The following ABLIM3 variants were observed in gnomAD, a reference collection of about 807,000 sequenced individuals.
ABLIM3 encodes the protein actin binding LIM protein family member 3.
In ABLIM3, 61 loss-of-function variants were observed where a neutral mutation model predicts 109.5. The ratio of observed to expected loss-of-function variants is 0.56; its 90% CI spans 0.45 to 0.69. ABLIM3 has a LOEUF of 0.69. ABLIM3 is among the 30% of genes least tolerant of loss of function. The pLI, the probability that ABLIM3 is intolerant of heterozygous loss-of-function variation, is 0.00. For missense variants in ABLIM3, 796 were observed against 889.5 expected, an observed-to-expected ratio of 0.89 and a Z score of 1.34; for synonymous variants, 300 against 324.8, an observed-to-expected ratio of 0.92 and a Z score of 0.82.
chr5:149,212,370 G>A (rs546561298), intron 7 of ABLIM3, among the ~76,000 whole-genome samples: 2 of 152,300 alleles, frequency 1.3e-5, no homozygotes, highest in Non-Finnish European at 2.9e-5. Flanking sequence ...GGTGGAGTTT[G>A]CATGTGACTC....
rs1234084033 is a variant in ABLIM3 at position 149,198,281 on chromosome 5, C to T, written c.214C>T (p.Gln72Ter). ...FFKNQEYICTQDYQQLYGTRC... is the reference protein window; with the variant it reads ...FFKNQEYICT ...CAAGAACCAGGAGTACATCTGCACCCAGGACTACCAGCAACTCTATGGCAC... is the reference window on the plus strand; with the variant it reads ...CAAGAACCAGGAGTACATCTGCACCTAGGACTACCAGCAACTCTATGGCAC... Residue 72 changes from glutamine to a stop codon, truncating the protein, a stop_gained, in exon 4 of 24, where the codon CAG becomes TAG. Coordinates refer to ENST00000309868, the MANE Select transcript of ABLIM3 (RefSeq NM_014945.5). LOFTEE classifies it high-confidence loss of function. The surrounding 1 kb of genome is among the most constrained non-coding windows in gnomAD (Gnocchi z 4.2). The T allele has an allele frequency of 6.2e-7, 1 of 1,614,234 alleles. No homozygotes were observed. The highest frequency in any genetic ancestry group is 8.5e-7 in the Non-Finnish European group (1 of 1,180,026).
At chr5:149,236,717 C>T (rs781006511) in intron 10 of ABLIM3, among the ~76,000 whole-genome samples, 58 of 152,066 alleles carry the variant, frequency 3.8e-4, no homozygotes, top group Non-Finnish European at 7.2e-4. Flanking sequence ...CTCCCCATCC[C>T]GAGAAGACAG....
intron 2 of ABLIM3, among the ~76,000 whole-genome samples, chr5:149,164,608 G>A (rs1473905314): frequency 6.6e-6 from 1 of 152,154 alleles, no homozygotes; most frequent in African/African-American, 2.4e-5. Flanking sequence ...GACATCCAAG[G>A]ATTCTGATGC....
rs182925352 is a variant in ABLIM3, at chr5:149,204,316, A to G, written c.449-2692A>G. Reference sequence around the variant, plus strand: ...TGGACAGCTGGCTCTGCAGACACCAACTTGGAACAGGGTGTGGTTTTCCTG... The same window carrying G: ...TGGACAGCTGGCTCTGCAGACACCAGCTTGGAACAGGGTGTGGTTTTCCTG... On this transcript the variant is annotated intron_variant, in intron 5 of 23. Coordinates refer to ENST00000309868, the MANE Select transcript of ABLIM3 (RefSeq NM_014945.5). Among the ~76,000 whole-genome samples the G allele has an allele frequency of 5.3e-3, 812 of 152,300 alleles. 5 individuals carry two copies. The highest frequency in any genetic ancestry group is 5.6e-3 in the Admixed American group (86 of 15,278).
chr5:149,239,232 ACT>A lies in ABLIM3; in HGVS notation c.1045-13_1045-12del. On this transcript the variant is annotated splice_polypyrimidine_tract_variant and intron_variant, in intron 11 of 23. Transcript: ENST00000309868. ...CTGCTCGTTCCACAACTGCCTTCAA[ACT>A]CTTCACTTCTAAGTCGCTGGGAACA... The A allele has an allele frequency of 6.2e-7, 1 of 1,613,354 alleles. No homozygotes were observed.
intron 16 of ABLIM3, among the ~76,000 whole-genome samples, chr5:149,245,227 C>T (rs985098086): frequency 1.3e-5 from 2 of 152,198 alleles, no homozygotes; most frequent in African/African-American, 4.8e-5. Flanking sequence ...AGACCAGGTC[C>T]CTGCCCTTGT....
chr5:149,209,554 C>T (rs529420420), intron 6 of ABLIM3, among the ~76,000 whole-genome samples: 31 of 152,266 alleles, frequency 2.0e-4, no homozygotes, highest in Non-Finnish European at 4.0e-4. Flanking sequence ...AATTGTGTAC[C>T]GCTAATTCCC....
intron 5 of ABLIM3, among the ~76,000 whole-genome samples, chr5:149,206,559 C>A (rs1758995954): frequency 6.6e-6 from 1 of 152,168 alleles, no homozygotes; most frequent in East Asian, 1.9e-4. Context: ...TAGCCCATCC[C>A]CAGGAGCAGT....
At chr5:149,240,242 C>A (rs776477932) in intron 13 of ABLIM3, among the ~76,000 whole-genome samples, 5 of 152,208 alleles carry the variant, frequency 3.3e-5, no homozygotes, top group Admixed American at 6.5e-5. Context: ...TATGAACTGG[C>A]CTTCACCCAA....
chr5:149,237,531 C>T lies in ABLIM3; in HGVS notation c.972C>T (p.Pro324=), dbSNP rs1208197967. Residue 324 remains proline (P), a synonymous_variant, in exon 11 of 24, where the codon CCC becomes CCT. Transcript: ENST00000309868. The stretch of plus-strand genomic sequence containing the variant: ...AGTCTATCTACGAGGTACAACGCCC[C>T]GACCTCATTTCCTATGAGCCTCATT... ...KVKSIYEVQR[P]DLISYEPHSR... The T allele has an allele frequency of 6.8e-6, 11 of 1,614,084 alleles. No individual in the cohort carries two copies. The highest frequency in any genetic ancestry group is 2.2e-5 in the East Asian group (1 of 44,894).
chr5:149,150,393 T>G (rs1753320107), intron 2 of ABLIM3, among the ~76,000 whole-genome samples: 1 of 152,216 alleles, frequency 6.6e-6, no homozygotes, highest in African/African-American at 2.4e-5. Context: ...ATAGAGATTG[T>G]TTTAAAACAG....
intron 7 of ABLIM3, among the ~76,000 whole-genome samples, chr5:149,212,821 G>A (rs1198177266): frequency 6.6e-6 from 1 of 152,136 alleles, no homozygotes; most frequent in Non-Finnish European, 1.5e-5. Flanking sequence ...TTTCCAGAAG[G>A]CAGTCAGAAA....
At chr5:149,227,557 G>T (rs1230958042) in intron 8 of ABLIM3, among the ~76,000 whole-genome samples, 1 of 152,156 alleles carries the variant, frequency 6.6e-6, no homozygotes, top group Non-Finnish European at 1.5e-5. Flanking sequence ...CTCAAATTAT[G>T]AGTCATAAAA....
At chr5:149,166,936 G>A (rs1754894191) in intron 2 of ABLIM3, among the ~76,000 whole-genome samples, 1 of 152,174 alleles carries the variant, frequency 6.6e-6, no homozygotes, top group Admixed American at 6.5e-5. Context: ...GCCATAGTTT[G>A]CTTATTCTTG....
chr5:149,160,743 T>C (rs1167220895), intron 2 of ABLIM3, among the ~76,000 whole-genome samples: 1 of 152,204 alleles, frequency 6.6e-6, no homozygotes, highest in Non-Finnish European at 1.5e-5. Context: ...AGACACTTTC[T>C]AGTTATGGCT....
intron 8 of ABLIM3, among the ~76,000 whole-genome samples, chr5:149,225,231 A>ACCTCTATCTAGTTCT: frequency 6.6e-6 from 1 of 152,116 alleles, no homozygotes; most frequent in South Asian, 2.1e-4. Flanking sequence ...AATGTTGTAC[A>ACCTCTATCTAGTTCT]ACCCCCACCT....
At chr5:149,192,434 G>A (rs1423692047) in intron 3 of ABLIM3, among the ~76,000 whole-genome samples, 1 of 151,972 alleles carries the variant, frequency 6.6e-6, no homozygotes, top group Non-Finnish European at 1.5e-5. Flanking sequence ...AAACTGTACA[G>A]TACTTAACTG....
intron 17 of ABLIM3, 41 bp downstream of exon 17, chr5:149,246,587 T>A (rs1236741525): frequency 1.9e-6 from 3 of 1,594,380 alleles, no homozygotes; most frequent in Non-Finnish European, 2.6e-6. Flanking sequence ...GCTTAGAGCG[T>A]ATATCACTGA....
In ABLIM3 at chr5:149,217,050, A is replaced by T; in HGVS notation, c.757+4A>T. On this transcript the variant is annotated splice_donor_region_variant and intron_variant, in intron 8 of 23. Transcript: ENST00000309868. ...GGAGAGGAAATGTACCTCACAGGTA[A>T]GTAAATCTGACCCTCTGTAAGGCCT... The T allele has an allele frequency of 6.2e-7, 1 of 1,613,920 alleles. No individual in the cohort carries two copies. The highest frequency in any genetic ancestry group is 8.5e-7 in the Non-Finnish European group (1 of 1,179,818).
Sources: gnomAD v4.1 joint callset for allele counts (sites outside exome capture counted in the v4.1 genomes callset) on GRCh38, gnomAD v4.1.1 for gene constraint, Gnocchi (gnomAD v3.1) non-coding constraint, MANE v1.5 for transcripts, NCBI Gene and HGNC (gene_info 2026-07-23, HGNC 2026-07-21) for gene names.